SNX29: variants seen among roughly 807,000 people sequenced by gnomAD.
SNX29 encodes sorting nexin-29.
SNX29 carries 78 observed loss-of-function variants against 102.1 expected under a neutral mutation model. The observed-to-expected ratio is 0.76, with a 90% CI of 0.64 to 0.92. The LOEUF (loss-of-function observed/expected upper bound fraction) is 0.92, where lower values mean the gene tolerates loss of function less well. SNX29 is among the 40% of genes least tolerant of loss of function. The pLI is 0.00. For synonymous variants in SNX29, 580 were observed against 414.5 expected (o/e 1.40, Z -4.85); for missense variants, 1,280 against 1,061.7 (o/e 1.21, Z -2.86).
At chr16:12,173,021 C>G (rs963122124) in intron 13 of SNX29, among the ~76,000 whole-genome samples, 2 of 152,160 alleles carry the variant, frequency 1.3e-5, no homozygotes, top group East Asian at 1.9e-4. Context: ...TACACACAGA[C>G]CAGGTGGTCT....
chr16:12,121,173 G>A (rs1272260536), intron 11 of SNX29, among the ~76,000 whole-genome samples: 10 of 152,244 alleles, frequency 6.6e-5, no homozygotes, highest in Admixed American at 5.9e-4. Flanking sequence ...AGGCTTGGGG[G>A]TGGGGCTTTG....
At chr16:12,181,257 C>A (rs1222322486) in intron 13 of SNX29, among the ~76,000 whole-genome samples, 1 of 152,174 alleles carries the variant, frequency 6.6e-6, no homozygotes, top group Non-Finnish European at 1.5e-5. Context: ...ATGACACAGC[C>A]TCCGGAGGTC....
chr16:12,467,306 G>A (rs1003077069), intron 18 of SNX29, among the ~76,000 whole-genome samples: 3 of 152,228 alleles, frequency 2.0e-5, no homozygotes, highest in Admixed American at 6.5e-5. Flanking sequence ...CTAAAAGTGA[G>A]TGAAAGAAAA....
At chr16:12,288,908 G>A (rs1257142128) in intron 15 of SNX29, among the ~76,000 whole-genome samples, 2 of 152,142 alleles carry the variant, frequency 1.3e-5, no homozygotes, top group Non-Finnish European at 2.9e-5. Flanking sequence ...TGACCCCAGA[G>A]TTGGTACTCT....
chr16:12,556,055 G>A (rs2078324784), intron 20 of SNX29, among the ~76,000 whole-genome samples: 2 of 151,626 alleles, frequency 1.3e-5, no homozygotes, highest in Admixed American at 6.7e-5. Flanking sequence ...CGCTTAAAGG[G>A]TGCTTTTCTT....
intron 14 of SNX29, among the ~76,000 whole-genome samples, chr16:12,252,270 C>T (rs974537178): frequency 6.6e-6 from 1 of 151,544 alleles, no homozygotes; most frequent in Non-Finnish European, 1.5e-5. Flanking sequence ...CCTCTATCCT[C>T]CTGTCTAAAA....
At chr16:12,199,292 C>A (rs151249880) in intron 13 of SNX29, among the ~76,000 whole-genome samples, 1 of 152,166 alleles carries the variant, frequency 6.6e-6, no homozygotes, top group African/African-American at 2.4e-5. Flanking sequence ...TGAATAGGCA[C>A]CTGATAGGTG....
chr16:12,406,535 G>A (rs754878145), intron 18 of SNX29, among the ~76,000 whole-genome samples: 21 of 152,206 alleles, frequency 1.4e-4, no homozygotes, highest in South Asian at 2.1e-4. Context: ...TCAGGAGAGC[G>A]GTGCTCCCTG....
chr16:12,227,619 G>T (rs2077649862), intron 14 of SNX29, among the ~76,000 whole-genome samples: 1 of 152,130 alleles, frequency 6.6e-6, no homozygotes, highest in South Asian at 2.1e-4. Flanking sequence ...GGTCTCTGAG[G>T]CCGGGCGCGG....
chr16:12,352,825 C>G (rs1259987115), intron 15 of SNX29, among the ~76,000 whole-genome samples: 2 of 152,204 alleles, frequency 1.3e-5, no homozygotes, highest in Admixed American at 6.5e-5. Flanking sequence ...TGATTTGTCA[C>G]TGTCATAGTG....
At chr16:12,288,610 T>G (rs1432322863) in intron 15 of SNX29, among the ~76,000 whole-genome samples, 1 of 151,370 alleles carries the variant, frequency 6.6e-6, no homozygotes. Context: ...TTTGGGGGCT[T>G]ATCTGTCCTG....
At chr16:12,224,207 A>T (rs949720895) in intron 14 of SNX29, among the ~76,000 whole-genome samples, 2 of 152,180 alleles carry the variant, frequency 1.3e-5, no homozygotes, top group African/African-American at 4.8e-5. Flanking sequence ...GGAGTCGAGT[A>T]GATGTGGTAA....
chr16:12,455,798 TAG>T (rs534333870), intron 18 of SNX29, among the ~76,000 whole-genome samples: 322 of 152,304 alleles, frequency 2.1e-3, no homozygotes, highest in African/African-American at 7.5e-3. Context: ...AGATGAGATG[TAG>T]GTGGCCCGGT....
chr16:12,074,028 C>T (rs1408451909), intron 10 of SNX29, among the ~76,000 whole-genome samples: 1 of 151,962 alleles, frequency 6.6e-6, no homozygotes, highest in African/African-American at 2.4e-5. Context: ...CTTGGTGGCT[C>T]TTCCTCCATC....
chr16:12,556,321 A>G (rs947093503), intron 20 of SNX29: 1 of 152,226 alleles, frequency 6.6e-6, no homozygotes, highest in Non-Finnish European at 1.5e-5. Flanking sequence ...TAGACGAGCT[A>G]GACCAGGACA....
chr16:12,371,698 G>C (rs1014717249), intron 16 of SNX29, among the ~76,000 whole-genome samples: 2 of 152,182 alleles, frequency 1.3e-5, no homozygotes, highest in African/African-American at 2.4e-5. Context: ...TGGGCCTCCT[G>C]TGGGAATCGC....
intron 1 of SNX29, among the ~76,000 whole-genome samples, chr16:11,980,762 T>C (rs1233468568): frequency 1.3e-5 from 2 of 152,174 alleles, no homozygotes; most frequent in East Asian, 3.8e-4. Flanking sequence ...ATGTTGAGCA[T>C]CTTATCTTGT....
At chr16:12,308,932 G>A (rs752339561) in intron 15 of SNX29, among the ~76,000 whole-genome samples, 1 of 152,146 alleles carries the variant, frequency 6.6e-6, no homozygotes, top group Non-Finnish European at 1.5e-5. Context: ...AGAATGAGTC[G>A]GGGAAATGCA....
At chr16:12,282,620 G>A (rs2079470833) in intron 15 of SNX29, among the ~76,000 whole-genome samples, 1 of 152,156 alleles carries the variant, frequency 6.6e-6, no homozygotes, top group South Asian at 2.1e-4. Context: ...ACCTCAGATT[G>A]GGAGTGAATT....
Sources: allele counts gnomAD v4.1 joint callset (sites outside exome capture counted in the v4.1 genomes callset), GRCh38; gene constraint gnomAD v4.1.1; transcripts MANE v1.5; gene names NCBI Gene and HGNC (gene_info 2026-07-23, HGNC 2026-07-21).